The following RHBDL3 variants were observed in gnomAD, a reference collection of about 807,000 sequenced individuals.
The protein encoded by RHBDL3 is rhomboid-related protein 3.
A neutral mutation model predicts 48.2 loss-of-function variants in RHBDL3; 28 were observed. The ratio of observed to expected loss-of-function variants is 0.58; its 90% CI spans 0.43 to 0.80. RHBDL3 has a LOEUF of 0.80. Among genes scored for constraint, RHBDL3 ranks in the 30% least tolerant of loss-of-function variants. The pLI is 0.00. For missense variants in RHBDL3, 464 were observed against 542.7 expected, an observed-to-expected ratio of 0.85 and a Z score of 1.44; for synonymous variants, 208 against 232.3, an observed-to-expected ratio of 0.90 and a Z score of 0.95.
intron 2 of RHBDL3, among the ~76,000 whole-genome samples, chr17:32,268,507 A>C (rs571802000): frequency 5.9e-5 from 9 of 152,166 alleles, no homozygotes; most frequent in African/African-American, 1.7e-4. Flanking sequence ...GGGGGTGCCA[A>C]GTATTGGCTT....
At chr17:32,300,435 C>T (rs1262148965) in intron 6 of RHBDL3, among the ~76,000 whole-genome samples, 2 of 152,012 alleles carry the variant, frequency 1.3e-5, no homozygotes, top group Non-Finnish European at 2.9e-5. Context: ...CCTGTAGTCC[C>T]ACCAGCTACT....
In RHBDL3 at chr17:32,322,530, A is replaced by G. The variant is rs2041161646; in HGVS notation, c.*1301A>G. Reference sequence around the variant, plus strand: ...GGGCGCAAGAGAGGCTGGGGTAGGAATGTTGAGGCCATGTGTCCATTTAAG... The same window carrying G: ...GGGCGCAAGAGAGGCTGGGGTAGGAGTGTTGAGGCCATGTGTCCATTTAAG... On this transcript the variant is annotated 3_prime_UTR_variant, in exon 9 of 9. Transcript: ENST00000269051. 1 of 152,320 alleles carries G rather than the reference A, an allele frequency of 6.6e-6. No homozygotes were observed. The highest frequency in any genetic ancestry group is 1.5e-5 in the Non-Finnish European group (1 of 68,130). 9.4% of individuals were successfully genotyped at this position (152,320 alleles called of 1,614,324 possible).
At chr17:32,284,571 T>G (rs896319820) in intron 2 of RHBDL3, 88 bp from the exon 3 acceptor site, 5 of 1,311,480 alleles carry the variant, frequency 3.8e-6, no homozygotes, top group African/African-American at 1.5e-5. Context: ...CTAAAGCCAG[T>G]GAATAGTGGT....
intron 7 of RHBDL3, among the ~76,000 whole-genome samples, chr17:32,308,170 G>A (rs947297332): frequency 2.0e-5 from 3 of 152,154 alleles, no homozygotes; most frequent in East Asian, 1.9e-4. Context: ...ATGGCCTGCC[G>A]CTGTGGAGAT....
At position 32,322,422 on chromosome 17, in the gene RHBDL3, G is replaced by A. The variant is rs537269767; in HGVS notation, c.*1193G>A. 6.6e-6 allele frequency: 1 copy of A among 152,416 alleles called. No homozygotes were observed. The highest frequency in any genetic ancestry group is 2.4e-5 in the African/African-American group (1 of 41,576). 9.4% of individuals were successfully genotyped at this position (152,416 alleles called of 1,614,324 possible). A position where few individuals can be genotyped will look rare whatever the true frequency, so the allele number is the denominator to read the frequency against. On this transcript the variant is annotated 3_prime_UTR_variant, in exon 9 of 9. Transcript: ENST00000269051. ...ATCCCTGGATGCTGAGGTTTGCCAGGTTCAGCTCTTGTTTCCGTCTGAGAT... is the reference window on the plus strand; with the variant it reads ...ATCCCTGGATGCTGAGGTTTGCCAGATTCAGCTCTTGTTTCCGTCTGAGAT...
intron 2 of RHBDL3, among the ~76,000 whole-genome samples, chr17:32,274,607 G>C (rs534063445): frequency 4.6e-5 from 7 of 152,182 alleles, no homozygotes; most frequent in African/African-American, 1.7e-4. Flanking sequence ...GCTCACACCT[G>C]TAATCCCACC....
chr17:32,267,447 G>GGT (rs747058381), intron 1 of RHBDL3, among the ~76,000 whole-genome samples: 1 of 151,382 alleles, frequency 6.6e-6, no homozygotes, highest in African/African-American at 2.4e-5. Flanking sequence ...GGAGGGGGGG[G>GGT]CTCTAGCTCC....
chr17:32,324,111 A>G lies in RHBDL3; in HGVS notation c.*2882A>G, dbSNP rs2041204398. On this transcript the variant is annotated 3_prime_UTR_variant, in exon 9 of 9. Coordinates refer to ENST00000269051, the MANE Select transcript of RHBDL3 (RefSeq NM_138328.3). ...AGGATACAGAAACTGAAAGCTGGGG[A>G]ATCCCCAAACAGCAGCCATAGACTC... is the stretch of plus-strand genomic sequence containing the variant. 1 of 152,480 alleles carries G rather than the reference A, an allele frequency of 6.6e-6. No individual in the cohort carries two copies. The allele number at this position is 152,480 out of a possible 1,614,324, so 9.4% of individuals were successfully genotyped here.
In RHBDL3 at chr17:32,321,784, T is replaced by C. The variant is rs1019975385; in HGVS notation, c.*555T>C. On this transcript the variant is annotated 3_prime_UTR_variant, in exon 9 of 9. Coordinates refer to ENST00000269051, the MANE Select transcript of RHBDL3 (RefSeq NM_138328.3). ...CCTGGCTGAAACCAGGGTGCCCTCC[T>C]GGGCTGGTTGGTGTGCACCGGGGCA... 5 of 212,278 alleles carry C rather than the reference T, an allele frequency of 2.4e-5. No individual in the cohort carries two copies. The highest frequency in any genetic ancestry group is 4.8e-5 in the Non-Finnish European group (5 of 103,944). The allele number at this position is 212,278 out of a possible 1,614,324, so 13.1% of individuals were successfully genotyped here.
At chr17:32,287,870 A>G (rs948106495) in intron 3 of RHBDL3, among the ~76,000 whole-genome samples, 1 of 152,176 alleles carries the variant, frequency 6.6e-6, no homozygotes, top group African/African-American at 2.4e-5. Flanking sequence ...GTGGGAGGTA[A>G]CGGAGGCCTC....
chr17:32,291,857 C>T (rs1372187464), intron 4 of RHBDL3, among the ~76,000 whole-genome samples: 2 of 150,688 alleles, frequency 1.3e-5, no homozygotes, highest in South Asian at 2.1e-4. Context: ...CTGCAACCTC[C>T]GCCGGCTGGG....
At chr17:32,286,542 CA>C (rs1284542542) in intron 3 of RHBDL3, among the ~76,000 whole-genome samples, 1 of 152,142 alleles carries the variant, frequency 6.6e-6, no homozygotes, top group Non-Finnish European at 1.5e-5. Flanking sequence ...AGAATAGATC[CA>C]AAGGATCCTC....
chr17:32,321,680 G>T lies in RHBDL3; in HGVS notation c.*451G>T. 3.5e-6 allele frequency: 1 copy of T among 288,926 alleles called. No homozygotes were observed. The highest frequency in any genetic ancestry group is 6.8e-6 in the Non-Finnish European group (1 of 147,096). The allele number at this position is 288,926 out of a possible 1,614,324, so 17.9% of individuals were successfully genotyped here. A position where few individuals can be genotyped will look rare whatever the true frequency, so the allele number is the denominator to read the frequency against. ...CCTCTCTAGCTCAGAAATAATTGCA[G>T]GCCATGTGGTGTCTCCTTGACACCT... is the stretch of plus-strand genomic sequence containing the variant. On this transcript the variant is annotated 3_prime_UTR_variant, in exon 9 of 9. Coordinates refer to ENST00000269051, the MANE Select transcript of RHBDL3 (RefSeq NM_138328.3).
At position 32,324,274 on chromosome 17, in the gene RHBDL3, T is replaced by G. The variant is rs2041208698; in HGVS notation, c.*3045T>G. Reference sequence around the variant, plus strand: ...GAAAAGCTCCCTAATGAGGCTCTTTTGCCAGCTAATAGGACTCTCGATTTC... The same window carrying G: ...GAAAAGCTCCCTAATGAGGCTCTTTGGCCAGCTAATAGGACTCTCGATTTC... On this transcript the variant is annotated 3_prime_UTR_variant, in exon 9 of 9. Coordinates refer to ENST00000269051, the MANE Select transcript of RHBDL3 (RefSeq NM_138328.3). 6.5e-6 allele frequency: 1 copy of G among 152,678 alleles called. No homozygotes were observed. Among genetic ancestry groups the G allele is most frequent in the Non-Finnish European group, 1.5e-5 (1 of 68,050 alleles). The allele number at this position is 152,678 out of a possible 1,614,324, so 9.5% of individuals were successfully genotyped here.
At chr17:32,273,382 A>G (rs1656181139) in intron 2 of RHBDL3, among the ~76,000 whole-genome samples, 2 of 152,194 alleles carry the variant, frequency 1.3e-5, no homozygotes, top group Admixed American at 1.3e-4. Context: ...CAGAGCGGAG[A>G]CTAGATCCCA....
rs551288645 is a variant in RHBDL3 at position 32,317,830 on chromosome 17, A to T, written c.943+1538A>T. On this transcript the variant is annotated intron_variant, in intron 8 of 8. Transcript: ENST00000269051. Reference sequence around the variant, plus strand: ...AGTCAGGCTGCAGTGTGGAGAATAGATTGTGGGGACAAGGGGGATAAGACC... The same window carrying T: ...AGTCAGGCTGCAGTGTGGAGAATAGTTTGTGGGGACAAGGGGGATAAGACC... Among the ~76,000 whole-genome samples, 17 of 152,268 alleles carry T rather than the reference A, an allele frequency of 1.1e-4. No individual in the cohort carries two copies. The South Asian group carries it at 3.5e-3, about 32-fold the overall frequency.
At chr17:32,285,392 TG>T (rs1186231485) in intron 3 of RHBDL3, among the ~76,000 whole-genome samples, 1 of 151,028 alleles carries the variant, frequency 6.6e-6, no homozygotes, top group Non-Finnish European at 1.5e-5. Flanking sequence ...GAGAAGGGGC[TG>T]GGGAGTGGGG....
At chr17:32,300,956 C>T (rs1020465606) in intron 6 of RHBDL3, among the ~76,000 whole-genome samples, 12 of 151,996 alleles carry the variant, frequency 7.9e-5, no homozygotes, top group Non-Finnish European at 1.5e-4. Flanking sequence ...TCTCGGCTCA[C>T]TGCAACCTCC....
chr17:32,290,244 G>A (rs112307951), intron 4 of RHBDL3, among the ~76,000 whole-genome samples: 2,492 of 152,296 alleles, frequency 0.016, 64 homozygotes, highest in African/African-American at 0.057. Flanking sequence ...TTCTCTAAGT[G>A]TGTGCCGGGC....
Sources: gnomAD v4.1 joint callset for allele counts (sites outside exome capture counted in the v4.1 genomes callset) on GRCh38, gnomAD v4.1.1 for gene constraint, MANE v1.5 for transcripts, NCBI Gene and HGNC (gene_info 2026-07-23, HGNC 2026-07-21) for gene names.